Variants in KCNC2 observed in about 807,000 individuals in gnomAD.
The protein encoded by KCNC2 is voltage-gated potassium channel KCNC2.
In KCNC2, 21 loss-of-function variants were observed where a neutral mutation model predicts 44.5. The ratio of observed to expected loss-of-function variants is 0.47; its 90% CI spans 0.33 to 0.68. The LOEUF (loss-of-function observed/expected upper bound fraction) is 0.68. KCNC2 is among the 30% of genes least tolerant of loss of function. The pLI is 0.01. For missense variants in KCNC2, 589 were observed against 826.2 expected (o/e 0.71, Z 3.52); for synonymous variants, 391 against 339.1 (o/e 1.15, Z -1.68).
chr12:75,120,323 C>T (rs1887966319), intron 2 of KCNC2, among the ~76,000 whole-genome samples: 1 of 152,190 alleles, frequency 6.6e-6, no homozygotes. Flanking sequence ...GGCATTGAGG[C>T]TTGGCAGAAA....
At chr12:75,086,681 A>AAAAAATATATATATATAT (rs1206456289) in intron 2 of KCNC2, among the ~76,000 whole-genome samples, 2 of 54,200 alleles carry the variant, frequency 3.7e-5, no homozygotes, top group Non-Finnish European at 7.0e-5. Context: ...AAAAAAAAAA[A>AAAAAATATATATATATAT]ATATATATAT....
chr12:75,060,240 C>T (rs984801628), intron 2 of KCNC2, among the ~76,000 whole-genome samples: 4 of 152,160 alleles, frequency 2.6e-5, no homozygotes, highest in Non-Finnish European at 4.4e-5. Context: ...TCCATTGAAT[C>T]GCTGAATCCT....
intron 2 of KCNC2, among the ~76,000 whole-genome samples, chr12:75,202,638 A>G (rs1056880763): frequency 6.6e-6 from 1 of 151,818 alleles, no homozygotes; most frequent in African/African-American, 2.4e-5. Context: ...TCTTCATTAT[A>G]TTGTAAGGAG....
chr12:75,199,478 T>C (rs1245454128), intron 2 of KCNC2, among the ~76,000 whole-genome samples: 1 of 151,920 alleles, frequency 6.6e-6, no homozygotes, highest in Non-Finnish European at 1.5e-5. Context: ...TGCCCCAAGT[T>C]CTTCTGCTTT....
At chr12:75,094,857 C>A (rs1417965628) in intron 2 of KCNC2, among the ~76,000 whole-genome samples, 1 of 151,742 alleles carries the variant, frequency 6.6e-6, no homozygotes, top group Admixed American at 6.6e-5. Flanking sequence ...CAAATCCCTC[C>A]TGCAAAGATA....
chr12:75,192,495 C>A (rs902957422), intron 2 of KCNC2, among the ~76,000 whole-genome samples: 3 of 152,154 alleles, frequency 2.0e-5, no homozygotes, highest in African/African-American at 7.2e-5. Flanking sequence ...CATCAAAGTG[C>A]ATGGTTCTTA....
chr12:75,157,695 G>T (rs778373686), intron 2 of KCNC2, among the ~76,000 whole-genome samples: 1 of 151,764 alleles, frequency 6.6e-6, no homozygotes, highest in Non-Finnish European at 1.5e-5. Flanking sequence ...TTAAAAATAA[G>T]ATATGTCATT....
chr12:75,166,506 T>C (rs563367510), intron 2 of KCNC2, among the ~76,000 whole-genome samples: 121 of 150,826 alleles, frequency 8.0e-4, no homozygotes, highest in African/African-American at 2.9e-3. Flanking sequence ...ATCAGCAGAA[T>C]ACACATTTGT....
Position 75,207,196 on chromosome 12 carries a change from T to A in KCNC2, c.687+101A>T. The A allele has an allele frequency of 3.4e-6, 5 of 1,470,002 alleles. No homozygotes were observed. Among genetic ancestry groups the A allele is most frequent in the Non-Finnish European group, 4.5e-6 (5 of 1,111,774 alleles). 91.1% of individuals were successfully genotyped at this position (1,470,002 alleles called of 1,614,324 possible). On this transcript the variant is annotated intron_variant, in intron 2 of 4. Transcript: ENST00000549446. The surrounding 1 kb of genome is among the most constrained non-coding windows in gnomAD (Gnocchi z 4.1). ...TCGCTAGGAAATCCCGGGTCTCTTCTACCCCCCATGCCTGAGGCCCTGGGG... is the reference window on the plus strand; with the variant it reads ...TCGCTAGGAAATCCCGGGTCTCTTCAACCCCCCATGCCTGAGGCCCTGGGG...
In KCNC2 at chr12:75,042,800, C is replaced by A; in HGVS notation, c.*305G>T. 2.5e-6 allele frequency: 3 copies of A among 1,182,034 alleles called. No homozygotes were observed. The highest frequency in any genetic ancestry group is 1.0e-6 in the Non-Finnish European group (1 of 954,576). The allele number at this position is 1,182,034 out of a possible 1,614,324, so 73.2% of individuals were successfully genotyped here. Reference sequence around the variant, plus strand: ...AAGCACACTGTTTTAAATATATCTCCCTGAAGGTATGTTTATATATTAGTG... The same window carrying A: ...AAGCACACTGTTTTAAATATATCTCACTGAAGGTATGTTTATATATTAGTG... On this transcript the variant is annotated 3_prime_UTR_variant, in exon 5 of 5. Transcript: ENST00000549446.
At chr12:75,127,051 T>C (rs1196812700) in intron 2 of KCNC2, among the ~76,000 whole-genome samples, 1 of 152,224 alleles carries the variant, frequency 6.6e-6, no homozygotes, top group Non-Finnish European at 1.5e-5. Flanking sequence ...TTTCTAAAAA[T>C]CTTTGCTTTC....
chr12:75,124,477 C>T (rs1888261333), intron 2 of KCNC2, among the ~76,000 whole-genome samples: 1 of 152,080 alleles, frequency 6.6e-6, no homozygotes, highest in Admixed American at 6.5e-5. Context: ...AGTATGCAGT[C>T]ATACAGAGAA....
chr12:75,108,341 G>C (rs1258236358), intron 2 of KCNC2, among the ~76,000 whole-genome samples: 1 of 152,110 alleles, frequency 6.6e-6, no homozygotes, highest in Non-Finnish European at 1.5e-5. Flanking sequence ...CTAATTTAAT[G>C]ATAACATGCC....
chr12:75,113,131 A>G (rs542180193), intron 2 of KCNC2, among the ~76,000 whole-genome samples: 1 of 152,268 alleles, frequency 6.6e-6, no homozygotes, highest in East Asian at 1.9e-4. Flanking sequence ...TAGGCTAGAA[A>G]CTGATGCTTG....
At chr12:75,046,772 A>G (rs1025755461) in intron 4 of KCNC2, among the ~76,000 whole-genome samples, 3 of 152,062 alleles carry the variant, frequency 2.0e-5, no homozygotes, top group African/African-American at 7.2e-5. Flanking sequence ...TTGGTGCAAG[A>G]AATAGATGCA....
intron 2 of KCNC2, among the ~76,000 whole-genome samples, chr12:75,188,582 C>A (rs1172334562): frequency 6.8e-6 from 1 of 147,988 alleles, no homozygotes; most frequent in Non-Finnish European, 1.5e-5. Flanking sequence ...AACAAGGTGG[C>A]CGGGCGCGGT....
intron 2 of KCNC2, among the ~76,000 whole-genome samples, chr12:75,145,069 A>G (rs868390658): frequency 6.6e-6 from 1 of 152,194 alleles, no homozygotes; most frequent in South Asian, 2.1e-4. Context: ...AAAATTACTG[A>G]GCCAGAAGGC....
At chr12:75,126,086 AAACTAAAAAACCC>A (rs1328205110) in intron 2 of KCNC2, among the ~76,000 whole-genome samples, 1 of 152,174 alleles carries the variant, frequency 6.6e-6, no homozygotes, top group Non-Finnish European at 1.5e-5. Context: ...CTTATGAGCA[AAACTAAAAAACCC>A]GAGTCTCTCT....
At position 75,040,859 on chromosome 12, in the gene KCNC2, C is replaced by T. The variant is rs1879818428; in HGVS notation, c.*2246G>A. 3 of 487,406 alleles carry T rather than the reference C, an allele frequency of 6.2e-6. No individual in the cohort carries two copies. Among genetic ancestry groups the T allele is most frequent in the African/African-American group, 1.9e-5 (1 of 52,008 alleles). The allele number at this position is 487,406 out of a possible 1,614,324, so 30.2% of individuals were successfully genotyped here. ...GAAGAGTAATTCAAAGAAGTGTGGG[C>T]CTTACTTGAAACTTCAGAGATGTTG... On this transcript the variant is annotated 3_prime_UTR_variant, in exon 5 of 5. Coordinates refer to ENST00000549446, the MANE Select transcript of KCNC2 (RefSeq NM_139137.4).
Sources: gnomAD v4.1 joint callset for allele counts (sites outside exome capture counted in the v4.1 genomes callset) on GRCh38, gnomAD v4.1.1 for gene constraint, Gnocchi (gnomAD v3.1) non-coding constraint, MANE v1.5 for transcripts, NCBI Gene and HGNC (gene_info 2026-07-23, HGNC 2026-07-21) for gene names.